Variants in SYT9 observed in about 807,000 individuals in gnomAD.
SYT9 encodes the protein synaptotagmin 9.
In SYT9, 22 loss-of-function variants were observed where a neutral mutation model predicts 48.4. The observed-to-expected ratio is 0.45, with a 90% CI of 0.32 to 0.65. The LOEUF is 0.65. Ranked by LOEUF, SYT9 falls within the 30% of genes least tolerant of loss-of-function variation. SYT9 has a pLI of 0.03. For synonymous variants in SYT9, 265 were observed against 245.0 expected, an observed-to-expected ratio of 1.08 and a Z score of -0.76; for missense variants, 577 against 622.0, an observed-to-expected ratio of 0.93 and a Z score of 0.77.
At chr11:7,334,183 A>T (rs1849593261) in intron 3 of SYT9, among the ~76,000 whole-genome samples, 1 of 152,146 alleles carries the variant, frequency 6.6e-6, no homozygotes, top group South Asian at 2.1e-4. Context: ...AGGGTGGTTA[A>T]AGATAGGGAA....
intron 6 of SYT9, among the ~76,000 whole-genome samples, chr11:7,458,338 G>A (rs528424354): frequency 1.4e-4 from 21 of 152,170 alleles, no homozygotes; most frequent in East Asian, 7.7e-4. Flanking sequence ...AAAATTAGCC[G>A]GGCATGGTGG....
chr11:7,247,890 A>C (rs2119735793), upstream of SYT9, among the ~76,000 whole-genome samples: 1 of 152,110 alleles, frequency 6.6e-6, no homozygotes. Flanking sequence ...TTAGTTCTTT[A>C]AGGCATCTCC....
intron 3 of SYT9, among the ~76,000 whole-genome samples, chr11:7,339,343 C>A (rs970899193): frequency 2.6e-5 from 4 of 152,216 alleles, no homozygotes; most frequent in Admixed American, 2.6e-4. Context: ...GGCACGTAAT[C>A]CATTTACATT....
chr11:7,435,844 G>T (rs12224718), intron 6 of SYT9: 55,874 of 152,052 alleles, frequency 0.37, 10,451 homozygotes, highest in Middle Eastern at 0.48. Flanking sequence ...AGCTGGGCAT[G>T]GTGGTGCATG....
chr11:7,288,278 A>G (rs7120457), intron 1 of SYT9, among the ~76,000 whole-genome samples: 1 of 150,160 alleles, frequency 6.7e-6, no homozygotes, highest in Non-Finnish European at 1.5e-5. Flanking sequence ...CTATGGCATT[A>G]TATGTATTTG....
In SYT9 at chr11:7,252,476, C is replaced by G. The variant is rs1030163920; in HGVS notation, c.145+145C>G. The G allele has an allele frequency of 1.7e-5, 16 of 916,124 alleles. No individual in the cohort carries two copies. The highest frequency in any genetic ancestry group is 4.3e-5 in the Admixed American group (1 of 23,348). The allele number at this position is 916,124 out of a possible 1,614,324, so 56.7% of individuals were successfully genotyped here. On this transcript the variant is annotated intron_variant, in intron 1 of 6. Transcript: ENST00000318881. This position sits in a 1 kb window ranked among gnomAD's most constrained non-coding sequence, Gnocchi z 6.3. Reference sequence around the variant, plus strand: ...AGCCAGGAGAGTGATCAAGAACCAGCGCACTGTGGCCTGATGCTGTAACCA... The same window carrying G: ...AGCCAGGAGAGTGATCAAGAACCAGGGCACTGTGGCCTGATGCTGTAACCA...
At chr11:7,382,249 G>A (rs1409134762) in intron 3 of SYT9, among the ~76,000 whole-genome samples, 1 of 152,202 alleles carries the variant, frequency 6.6e-6, no homozygotes, top group Admixed American at 6.5e-5. Flanking sequence ...GCGCATGTGA[G>A]AGAGATGGTG....
intron 1 of SYT9, among the ~76,000 whole-genome samples, chr11:7,272,910 A>T (rs766046498): frequency 6.6e-6 from 1 of 152,206 alleles, no homozygotes; most frequent in Non-Finnish European, 1.5e-5. Context: ...GGGACCCTCA[A>T]TGAGTTAGGA....
chr11:7,333,405 C>T (rs1849577817), intron 3 of SYT9, among the ~76,000 whole-genome samples: 2 of 152,266 alleles, frequency 1.3e-5, no homozygotes, highest in South Asian at 4.2e-4. Context: ...TTCTATAAGG[C>T]CCTGGCTCTC....
intron 2 of SYT9, among the ~76,000 whole-genome samples, chr11:7,310,905 T>C (rs1454911312): frequency 6.6e-6 from 1 of 152,214 alleles, no homozygotes; most frequent in Non-Finnish European, 1.5e-5. Flanking sequence ...GAGCTGAGCA[T>C]GTGGGACAAT....
intron 1 of SYT9, among the ~76,000 whole-genome samples, chr11:7,277,425 C>T (rs545301782): frequency 1.3e-3 from 191 of 152,274 alleles, no homozygotes; most frequent in Middle Eastern, 3.4e-3. Context: ...GTCTTACTTT[C>T]CCTGTTGTCC....
chr11:7,345,319 C>G (rs889317996), intron 3 of SYT9, among the ~76,000 whole-genome samples: 1 of 152,214 alleles, frequency 6.6e-6, no homozygotes, highest in African/African-American at 2.4e-5. Context: ...AGTTTTAGTT[C>G]TTGCCTCATT....
intron 3 of SYT9, among the ~76,000 whole-genome samples, chr11:7,350,822 A>T (rs1224631771): frequency 2.6e-5 from 4 of 152,216 alleles, no homozygotes; most frequent in African/African-American, 9.6e-5. Context: ...GCATTTTGAC[A>T]CTATCTAAAA....
intron 1 of SYT9, among the ~76,000 whole-genome samples, chr11:7,294,920 G>A (rs1848768186): frequency 6.6e-6 from 1 of 152,188 alleles, no homozygotes; most frequent in Admixed American, 6.5e-5. Flanking sequence ...ATAGCATTGT[G>A]GTCCCATCCT....
At chr11:7,410,772 T>C (rs1035237882) in intron 3 of SYT9, among the ~76,000 whole-genome samples, 1 of 152,248 alleles carries the variant, frequency 6.6e-6, no homozygotes, top group African/African-American at 2.4e-5. Flanking sequence ...GTAGGCAGCA[T>C]ATAGTTGGAT....
At chr11:7,429,554 G>A (rs1847527160) in intron 6 of SYT9, among the ~76,000 whole-genome samples, 1 of 152,188 alleles carries the variant, frequency 6.6e-6, no homozygotes, top group Non-Finnish European at 1.5e-5. Context: ...TCCCTTGGTT[G>A]TGTAAGCAAT....
chr11:7,386,090 T>G (rs1850652416), intron 3 of SYT9, among the ~76,000 whole-genome samples: 1 of 152,186 alleles, frequency 6.6e-6, no homozygotes, highest in African/African-American at 2.4e-5. Context: ...TTTTGGTAAG[T>G]GTATTACAAG....
intron 1 of SYT9, among the ~76,000 whole-genome samples, chr11:7,300,844 A>G (rs1848906906): frequency 6.6e-6 from 1 of 152,142 alleles, no homozygotes; most frequent in Non-Finnish European, 1.5e-5. Context: ...GTGAGCGGTC[A>G]GAACCAGGTG....
chr11:7,389,639 A>G (rs187164945), intron 3 of SYT9, among the ~76,000 whole-genome samples: 31 of 152,284 alleles, frequency 2.0e-4, no homozygotes, highest in African/African-American at 7.5e-4. Context: ...AAGGTACAAA[A>G]TAAAAATATA....
Sources: allele counts gnomAD v4.1 joint callset (sites outside exome capture counted in the v4.1 genomes callset), GRCh38; gene constraint gnomAD v4.1.1; non-coding constraint Gnocchi (gnomAD v3.1); transcripts MANE v1.5; gene names NCBI Gene and HGNC (gene_info 2026-07-23, HGNC 2026-07-21).